The following SMCO2 variants were observed in gnomAD, a reference collection of about 807,000 sequenced individuals.
SMCO2 encodes single-pass membrane and coiled-coil domain-containing protein 2.
A neutral mutation model predicts 29.5 loss-of-function variants in SMCO2; 25 were observed. The observed-to-expected ratio is 0.85, with a 90% CI of 0.62 to 1.18. SMCO2 has a LOEUF of 1.18. Among genes scored for constraint, SMCO2 ranks in the 50% most tolerant of loss-of-function variants. SMCO2 has a pLI of 0.00. For synonymous variants in SMCO2, 117 were observed against 123.3 expected (o/e 0.95, Z 0.34); for missense variants, 348 against 344.5 (o/e 1.01, Z -0.08).
the SMCO2 span, among the ~76,000 whole-genome samples, chr12:27,442,408 G>A: frequency 2.0e-5 from 3 of 152,078 alleles, no homozygotes; most frequent in Admixed American, 1.3e-4. Context: ...AATCATTAGA[G>A]ACTAGTATGA....
intron 3 of SMCO2, among the ~76,000 whole-genome samples, chr12:27,474,295 T>G (rs1949565500): frequency 6.6e-6 from 1 of 152,166 alleles, no homozygotes; most frequent in South Asian, 2.1e-4. Flanking sequence ...TATAATAATC[T>G]CAATTCTCTC....
intron 5 of SMCO2, among the ~76,000 whole-genome samples, chr12:27,491,209 G>A (rs1339984508): frequency 6.6e-6 from 1 of 152,014 alleles, no homozygotes; most frequent in East Asian, 1.9e-4. Context: ...AAGAGAAGGA[G>A]GGAAAATTGG....
chr12:27,454,209 C>T, the SMCO2 span, among the ~76,000 whole-genome samples: 4 of 152,160 alleles, frequency 2.6e-5, no homozygotes, highest in African/African-American at 9.7e-5. Context: ...CTCTCAAACT[C>T]CTGGGCTCAA....
intron 4 of SMCO2, among the ~76,000 whole-genome samples, chr12:27,483,422 GT>G (rs919909399): frequency 2.6e-5 from 4 of 151,456 alleles, no homozygotes; most frequent in Admixed American, 6.6e-5. Flanking sequence ...CCTTCTCTTT[GT>G]TTTTTTTCTT....
At chr12:27,427,000 A>G in the SMCO2 span, among the ~76,000 whole-genome samples, 1 of 152,250 alleles carries the variant, frequency 6.6e-6, no homozygotes, top group Non-Finnish European at 1.5e-5. Flanking sequence ...CTATGCTCTT[A>G]GAGACAATTG....
At chr12:27,495,440 G>T (rs542699362) in intron 6 of SMCO2, among the ~76,000 whole-genome samples, 2 of 150,608 alleles carry the variant, frequency 1.3e-5, no homozygotes, top group African/African-American at 5.0e-5. Flanking sequence ...TAATCTAGTG[G>T]TTAAAGATTA....
intron 4 of SMCO2, among the ~76,000 whole-genome samples, chr12:27,485,450 GT>G (rs142312125): frequency 0.15 from 19,904 of 131,650 alleles, 1,049 homozygotes; most frequent in African/African-American, 0.22. Flanking sequence ...ATTTTTTTAA[GT>G]TTTTTTTTTT....
the SMCO2 span, among the ~76,000 whole-genome samples, chr12:27,454,218 A>C: frequency 2.0e-5 from 3 of 152,180 alleles, no homozygotes; most frequent in Admixed American, 2.0e-4. Flanking sequence ...TCCTGGGCTC[A>C]AGTGATTTTC....
At chr12:27,425,614 A>G in the SMCO2 span, among the ~76,000 whole-genome samples, 2 of 152,118 alleles carry the variant, frequency 1.3e-5, no homozygotes, top group Non-Finnish European at 2.9e-5. Flanking sequence ...CCCTCTCCGC[A>G]TAATGACACT....
intron 4 of SMCO2, among the ~76,000 whole-genome samples, chr12:27,482,763 CTCTGT>C (rs1949656286): frequency 6.6e-6 from 1 of 152,194 alleles, no homozygotes; most frequent in African/African-American, 2.4e-5. Flanking sequence ...CAAGGTCTCG[CTCTGT>C]TGCCCAGGCT....
chr12:27,426,849 A>G, the SMCO2 span, among the ~76,000 whole-genome samples: 5 of 152,332 alleles, frequency 3.3e-5, no homozygotes, highest in South Asian at 1.0e-3. Context: ...TATCTACAGC[A>G]CAAAGAGGTA....
intron 4 of SMCO2, among the ~76,000 whole-genome samples, chr12:27,475,932 C>G (rs573624368): frequency 2.6e-5 from 4 of 152,124 alleles, no homozygotes; most frequent in Non-Finnish European, 4.4e-5. Flanking sequence ...TCTTGCTTTT[C>G]TAGTTCCTTG....
intron 4 of SMCO2, among the ~76,000 whole-genome samples, chr12:27,484,283 G>A (rs1200206537): frequency 6.6e-6 from 1 of 152,056 alleles, no homozygotes; most frequent in Non-Finnish European, 1.5e-5. Context: ...GGAGGTTGAG[G>A]CAGGAAGATT....
the SMCO2 span, among the ~76,000 whole-genome samples, chr12:27,429,408 A>T: frequency 1.3e-5 from 2 of 152,036 alleles, no homozygotes; most frequent in African/African-American, 2.4e-5. Flanking sequence ...TACAAAAAAG[A>T]ATAATAAAAT....
At chr12:27,473,610 A>G (rs976182483) in intron 3 of SMCO2, among the ~76,000 whole-genome samples, 4 of 152,168 alleles carry the variant, frequency 2.6e-5, no homozygotes, top group Admixed American at 2.6e-4. Flanking sequence ...TGGGCAAGTC[A>G]CTAAATACAA....
chr12:27,478,766 C>A (rs1302303432), intron 4 of SMCO2, among the ~76,000 whole-genome samples: 1 of 147,476 alleles, frequency 6.8e-6, no homozygotes, highest in Non-Finnish European at 1.5e-5. Context: ...CCACAGAAAG[C>A]AAGTGTTGGT....
chr12:27,453,395 T>C, the SMCO2 span, among the ~76,000 whole-genome samples: 1 of 152,248 alleles, frequency 6.6e-6, no homozygotes, highest in Non-Finnish European at 1.5e-5. Flanking sequence ...TCCACAGCTC[T>C]GAAAATCTAT....
At chr12:27,488,994 G>A (rs536791205) in intron 5 of SMCO2, among the ~76,000 whole-genome samples, 1 of 152,120 alleles carries the variant, frequency 6.6e-6, no homozygotes, top group East Asian at 1.9e-4. Context: ...TCCTGATGTT[G>A]TGTCTCCTCA....
chr12:27,501,434 A>AAAAC (rs1232126417), intron 7 of SMCO2, among the ~76,000 whole-genome samples: 103 of 133,234 alleles, frequency 7.7e-4, no homozygotes, highest in African/African-American at 1.1e-3. Flanking sequence ...AAAAAAAAAA[A>AAAAC]AAACAAACAA....
Sources: allele counts gnomAD v4.1 joint callset (sites outside exome capture counted in the v4.1 genomes callset), GRCh38; gene constraint gnomAD v4.1.1; transcripts MANE v1.5; gene names NCBI Gene and HGNC (gene_info 2026-07-23, HGNC 2026-07-21).